NTRK2: variants seen among roughly 807,000 people sequenced by gnomAD.
NTRK2 encodes BDNF/NT-3 growth factors receptor.
A neutral mutation model predicts 94.5 loss-of-function variants in NTRK2; 13 were observed. The observed-to-expected ratio is 0.14, with a 90% confidence interval of 0.09 to 0.22. NTRK2 has a LOEUF of 0.22. NTRK2 is among the 10% of genes least tolerant of loss of function. The pLI, the probability that NTRK2 is intolerant of heterozygous loss-of-function variation, is 1.00. For missense variants in NTRK2, 639 were observed against 1,071.2 expected (o/e 0.60, Z 5.63); for synonymous variants, 372 against 407.4 (o/e 0.91, Z 1.05).
At chr9:84,935,945 T>C (rs1427655732) in intron 15 of NTRK2, among the ~76,000 whole-genome samples, 1 of 152,184 alleles carries the variant, frequency 6.6e-6, no homozygotes, top group Non-Finnish European at 1.5e-5. Context: ...GCTGGAAGAA[T>C]CTTTGGGAAC....
chr9:84,685,026 A>G (rs1390091786), intron 2 of NTRK2, among the ~76,000 whole-genome samples: 3 of 151,648 alleles, frequency 2.0e-5, no homozygotes, highest in Non-Finnish European at 4.4e-5. Context: ...TAAGAAGATT[A>G]TTCCCTTTTC....
At chr9:84,941,677 C>T (rs2078414591) in intron 15 of NTRK2, among the ~76,000 whole-genome samples, 1 of 152,164 alleles carries the variant, frequency 6.6e-6, no homozygotes, top group Non-Finnish European at 1.5e-5. Context: ...AAATTTTATG[C>T]TGGTGTATTT....
chr9:84,702,707 C>A (rs2131700117), intron 4 of NTRK2, among the ~76,000 whole-genome samples: 1 of 152,330 alleles, frequency 6.6e-6, no homozygotes, highest in African/African-American at 2.4e-5. Flanking sequence ...TGTGTCCTTG[C>A]ACAGAGTTCT....
chr9:85,013,477 A>G (rs1222654808), intron 17 of NTRK2, among the ~76,000 whole-genome samples: 1 of 151,922 alleles, frequency 6.6e-6, no homozygotes, highest in African/African-American at 2.4e-5. Flanking sequence ...TAATTTTTGT[A>G]TTTTTAGTAG....
Position 84,924,229 on chromosome 9 carries a change from T to A in NTRK2, c.1634-9933T>A, listed in dbSNP as rs1202834436. Among the ~76,000 whole-genome samples, 101 of 115,542 alleles carry A rather than the reference T, an allele frequency of 8.7e-4. 1 individual carries two copies. The highest frequency in any genetic ancestry group is 2.2e-3 in the African/African-American group (64 of 29,390). The allele number at this position is 115,542 out of a possible 152,430, so 75.8% of individuals were successfully genotyped here. A position where few individuals can be genotyped will look rare whatever the true frequency, so the allele number is the denominator to read the frequency against. On this transcript the variant is annotated intron_variant, in intron 14 of 18. Coordinates refer to ENST00000277120, the MANE Select transcript of NTRK2 (RefSeq NM_006180.6). ...GAGACCCTGTCTCAAAGAAAGAAAG[T>A]AGAAAGAAAGAAAGAAAGAAAGAAA... is the stretch of plus-strand genomic sequence containing the variant.
At chr9:84,681,194 C>A (rs961667675) in intron 2 of NTRK2, among the ~76,000 whole-genome samples, 4 of 152,154 alleles carry the variant, frequency 2.6e-5, no homozygotes, top group African/African-American at 9.7e-5. Flanking sequence ...GTGTGCAATA[C>A]CCCTCTCAGA....
chr9:84,829,449 C>T (rs944429860), intron 12 of NTRK2, among the ~76,000 whole-genome samples: 10 of 152,272 alleles, frequency 6.6e-5, no homozygotes, highest in African/African-American at 2.2e-4. Flanking sequence ...CTATGGACTC[C>T]TAGATTTGGT....
intron 12 of NTRK2, chr9:84,812,388 C>T (rs948194044): frequency 7.7e-5 from 81 of 1,057,584 alleles, no homozygotes; most frequent in Middle Eastern, 4.2e-4. Context: ...AGAAACATGC[C>T]GCCAGTTCTC....
At chr9:85,001,791 T>A (rs867386006) in intron 17 of NTRK2, among the ~76,000 whole-genome samples, 1 of 152,204 alleles carries the variant, frequency 6.6e-6, no homozygotes, top group African/African-American at 2.4e-5. Context: ...GATCCAGCTG[T>A]GAGATGCTGC....
chr9:84,968,989 A>G (rs919136936), intron 17 of NTRK2, among the ~76,000 whole-genome samples: 3 of 152,180 alleles, frequency 2.0e-5, no homozygotes, highest in African/African-American at 7.2e-5. Context: ...CATATATGAT[A>G]CATTGACGTC....
chr9:84,840,273 T>C (rs1387261509), intron 12 of NTRK2, among the ~76,000 whole-genome samples: 23 of 151,102 alleles, frequency 1.5e-4, no homozygotes, highest in African/African-American at 5.6e-4. Flanking sequence ...TTCTTTTTTT[T>C]TTTTTTTTTT....
intron 14 of NTRK2, among the ~76,000 whole-genome samples, chr9:84,904,690 TG>T (rs528707546): frequency 9.5e-4 from 145 of 152,312 alleles, no homozygotes; most frequent in African/African-American, 3.4e-3. Flanking sequence ...ACTATAAAGT[TG>T]GTTTTTTGAA....
chr9:84,827,817 C>A (rs1257961933), intron 12 of NTRK2, among the ~76,000 whole-genome samples: 2 of 152,198 alleles, frequency 1.3e-5, no homozygotes, highest in Non-Finnish European at 2.9e-5. Context: ...GCTGAGCTAA[C>A]CTCAGTCTAT....
At chr9:84,886,728 T>G (rs2076426526) in intron 14 of NTRK2, among the ~76,000 whole-genome samples, 1 of 152,228 alleles carries the variant, frequency 6.6e-6, no homozygotes, top group Non-Finnish European at 1.5e-5. Context: ...CACTTTCTCC[T>G]TGAGCTGACC....
chr9:84,789,602 G>C (rs1052674310), intron 12 of NTRK2, among the ~76,000 whole-genome samples: 33 of 152,200 alleles, frequency 2.2e-4, no homozygotes, highest in African/African-American at 7.2e-4. Flanking sequence ...CCATGGACTT[G>C]TTAAAATCAG....
chr9:84,767,229 A>T (rs1313776864), intron 12 of NTRK2, among the ~76,000 whole-genome samples: 1 of 152,218 alleles, frequency 6.6e-6, no homozygotes, highest in Non-Finnish European at 1.5e-5. Flanking sequence ...TGCTATTGGG[A>T]GAAAAATGAC....
intron 14 of NTRK2, among the ~76,000 whole-genome samples, chr9:84,878,451 T>C (rs1331545916): frequency 6.6e-6 from 1 of 151,874 alleles, no homozygotes; most frequent in African/African-American, 2.4e-5. Context: ...CTGGCCAACA[T>C]GGTGAAACCC....
chr9:84,968,525 T>G (rs893771760), intron 17 of NTRK2, among the ~76,000 whole-genome samples: 2 of 152,152 alleles, frequency 1.3e-5, no homozygotes, highest in African/African-American at 4.8e-5. Context: ...GAATCTGGGT[T>G]TTTTGTCCAG....
intron 17 of NTRK2, among the ~76,000 whole-genome samples, chr9:85,018,677 A>G (rs1257357357): frequency 6.6e-6 from 1 of 152,140 alleles, no homozygotes; most frequent in Non-Finnish European, 1.5e-5. Context: ...CTGCACCCAT[A>G]TTTACTACCC....
Sources: gnomAD v4.1 joint callset for allele counts (sites outside exome capture counted in the v4.1 genomes callset) on GRCh38, gnomAD v4.1.1 for gene constraint, MANE v1.5 for transcripts, NCBI Gene and HGNC (gene_info 2026-07-23, HGNC 2026-07-21) for gene names.